Variants in KCNH8 observed in about 807,000 individuals in gnomAD.
KCNH8 encodes potassium voltage-gated channel subfamily H member 8, also known as voltage-gated delayed rectifier potassium channel KCNH8.
In KCNH8, 70 loss-of-function variants were observed where a neutral mutation model predicts 103.6. The ratio of observed to expected loss-of-function variants is 0.68; its 90% CI spans 0.56 to 0.82. KCNH8 has a LOEUF of 0.82. Ranked by LOEUF, KCNH8 falls within the 40% of genes least tolerant of loss-of-function variation. The pLI, the probability that KCNH8 is intolerant of heterozygous loss-of-function variation, is 0.00. For missense variants in KCNH8, 1,217 were observed against 1,329.9 expected (o/e 0.92, Z 1.32); for synonymous variants, 498 against 489.4 (o/e 1.02, Z -0.23).
At chr3:19,290,468 T>G (rs1241580305) in intron 3 of KCNH8, among the ~76,000 whole-genome samples, 1 of 152,244 alleles carries the variant, frequency 6.6e-6, no homozygotes, top group Non-Finnish European at 1.5e-5. Context: ...AGTTGTTGAA[T>G]TTTGTCAAAG....
chr3:19,395,961 C>T (rs1177972108), intron 7 of KCNH8, among the ~76,000 whole-genome samples: 2 of 151,980 alleles, frequency 1.3e-5, no homozygotes, highest in Admixed American at 1.3e-4. Context: ...ACACTATGCA[C>T]ATGAACACAT....
chr3:19,182,288 G>T (rs2063460875), intron 1 of KCNH8, among the ~76,000 whole-genome samples: 1 of 152,098 alleles, frequency 6.6e-6, no homozygotes, highest in African/African-American at 2.4e-5. Context: ...CAGCACTTTC[G>T]GAGGCCGACG....
At chr3:19,330,555 G>GGA in intron 3 of KCNH8, among the ~76,000 whole-genome samples, 1 of 152,254 alleles carries the variant, frequency 6.6e-6, no homozygotes, top group East Asian at 1.9e-4. Flanking sequence ...TTTAATATTG[G>GGA]GAGCATCAAG....
At chr3:19,374,433 C>G (rs1298108665) in intron 5 of KCNH8, among the ~76,000 whole-genome samples, 2 of 151,716 alleles carry the variant, frequency 1.3e-5, no homozygotes, top group Admixed American at 1.3e-4. Context: ...GATTGCAACC[C>G]CTGCCTTTTT....
chr3:19,520,023 T>A (rs945439053), intron 15 of KCNH8, among the ~76,000 whole-genome samples: 1 of 151,226 alleles, frequency 6.6e-6, no homozygotes, highest in African/African-American at 2.4e-5. Flanking sequence ...AAAAAAAAAA[T>A]TACCATTTTA....
At chr3:19,224,317 A>G (rs1379731256) in intron 1 of KCNH8, among the ~76,000 whole-genome samples, 1 of 152,146 alleles carries the variant, frequency 6.6e-6, no homozygotes, top group Admixed American at 6.5e-5. Context: ...GGAGCACTTG[A>G]AAATGTAATC....
chr3:19,298,686 T>G (rs9822203), intron 3 of KCNH8, among the ~76,000 whole-genome samples: 106,086 of 151,626 alleles, frequency 0.7, 37,606 homozygotes, highest in Non-Finnish European at 0.73. Context: ...ACTTTGGGAG[T>G]CCGAGGCGGG....
At chr3:19,388,495 C>T (rs539635227) in intron 5 of KCNH8, among the ~76,000 whole-genome samples, 52 of 152,104 alleles carry the variant, frequency 3.4e-4, no homozygotes, top group Middle Eastern at 3.4e-3. Context: ...ATCTTTGCCA[C>T]GATAGCATTT....
At chr3:19,504,045 A>G (rs2068644947) in intron 11 of KCNH8, among the ~76,000 whole-genome samples, 1 of 152,182 alleles carries the variant, frequency 6.6e-6, no homozygotes. Flanking sequence ...CCACACATCT[A>G]CAACCATCTG....
chr3:19,190,762 GT>G (rs1258502392), intron 1 of KCNH8, among the ~76,000 whole-genome samples: 1 of 151,884 alleles, frequency 6.6e-6, no homozygotes, highest in Non-Finnish European at 1.5e-5. Flanking sequence ...GGATGGTAGA[GT>G]TTAGGACTGT....
At chr3:19,248,413 A>G (rs2064233277) in intron 1 of KCNH8, among the ~76,000 whole-genome samples, 1 of 152,202 alleles carries the variant, frequency 6.6e-6, no homozygotes, top group Non-Finnish European at 1.5e-5. Context: ...ATGAAATTAG[A>G]AAGTGACATA....
At chr3:19,460,518 C>G (rs1435333167) in intron 11 of KCNH8, among the ~76,000 whole-genome samples, 1 of 152,166 alleles carries the variant, frequency 6.6e-6, no homozygotes, top group African/African-American at 2.4e-5. Flanking sequence ...ACTTCTCTGT[C>G]TCCTTAGTTG....
At chr3:19,401,902 A>G (rs1324590970) in intron 7 of KCNH8, among the ~76,000 whole-genome samples, 1 of 151,950 alleles carries the variant, frequency 6.6e-6, no homozygotes, top group Non-Finnish European at 1.5e-5. Context: ...CAGGGAGTTA[A>G]TATGATTTCA....
chr3:19,444,967 A>T (rs554581899), intron 8 of KCNH8, among the ~76,000 whole-genome samples: 1 of 151,996 alleles, frequency 6.6e-6, no homozygotes, highest in East Asian at 1.9e-4. Context: ...TGATTCAACA[A>T]TTCCACTTCT....
intron 11 of KCNH8, among the ~76,000 whole-genome samples, chr3:19,469,064 A>G (rs1034018407): frequency 2.0e-5 from 3 of 152,240 alleles, no homozygotes; most frequent in African/African-American, 7.2e-5. Flanking sequence ...CTGACAGCCC[A>G]GATACTTAAT....
At chr3:19,321,951 T>A (rs578200618) in intron 3 of KCNH8, among the ~76,000 whole-genome samples, 2 of 152,254 alleles carry the variant, frequency 1.3e-5, no homozygotes, top group Non-Finnish European at 2.9e-5. Flanking sequence ...TTGTCTTTTT[T>A]AACTGCTGTT....
In KCNH8 at chr3:19,534,292, T is replaced by C. The variant is rs2069228170; in HGVS notation, c.*193T>C. ...CAATTTCTAGATACTAGAAGCATAA[T>C]AGAAACATTTTTCTGTACAGGTATT... On this transcript the variant is annotated 3_prime_UTR_variant, in exon 16 of 16. Coordinates refer to ENST00000328405, the MANE Select transcript of KCNH8 (RefSeq NM_144633.3). 6.8e-6 allele frequency: 4 copies of C among 590,422 alleles called. No individual in the cohort carries two copies. Among genetic ancestry groups the C allele is most frequent in the Admixed American group, 6.1e-5 (2 of 32,946 alleles). The allele number at this position is 590,422 out of a possible 1,614,324, so 36.6% of individuals were successfully genotyped here. A position where few individuals can be genotyped will look rare whatever the true frequency, so the allele number is the denominator to read the frequency against.
intron 9 of KCNH8, chr3:19,450,935 C>A: frequency 1.9e-6 from 1 of 536,070 alleles, no homozygotes; most frequent in Non-Finnish European, 3.3e-6. Context: ...TTAATTTGTT[C>A]TGTTTCTCCA....
At chr3:19,206,222 T>TTA (rs568982343) in intron 1 of KCNH8, among the ~76,000 whole-genome samples, 25 of 146,222 alleles carry the variant, frequency 1.7e-4, no homozygotes, top group African/African-American at 2.8e-4. Context: ...CATACCACAG[T>TTA]TATATATATA....
Sources: gnomAD v4.1 joint callset for allele counts (sites outside exome capture counted in the v4.1 genomes callset) on GRCh38, gnomAD v4.1.1 for gene constraint, MANE v1.5 for transcripts, NCBI Gene and HGNC (gene_info 2026-07-23, HGNC 2026-07-21) for gene names.